THSD4: variants seen among roughly 807,000 people sequenced by gnomAD.
THSD4 encodes the protein thrombospondin type-1 domain-containing protein 4.
A neutral mutation model predicts 119.0 loss-of-function variants in THSD4; 69 were observed. The observed-to-expected ratio is 0.58, with a 90% CI of 0.48 to 0.71. The LOEUF (loss-of-function observed/expected upper bound fraction) is 0.71, where lower values mean the gene tolerates loss of function less well. Among genes scored for constraint, THSD4 ranks in the 30% least tolerant of loss-of-function variants. The pLI is 0.00. For missense variants in THSD4, 1,393 were observed against 1,391.1 expected, an observed-to-expected ratio of 1.00 and a Z score of -0.02; for synonymous variants, 524 against 540.4, an observed-to-expected ratio of 0.97 and a Z score of 0.42.
intron 8 of THSD4, among the ~76,000 whole-genome samples, chr15:71,692,563 G>A (rs2052077863): frequency 6.6e-6 from 1 of 152,132 alleles, no homozygotes. Context: ...GCTGGCCAGG[G>A]TGACCTCAGC....
At chr15:71,202,632 T>A (rs989559773) in intron 3 of THSD4, among the ~76,000 whole-genome samples, 1 of 152,170 alleles carries the variant, frequency 6.6e-6, no homozygotes, top group African/African-American at 2.4e-5. Context: ...AAATTACTTA[T>A]CATAAGAAAA....
At chr15:71,730,750 T>TCTAG (rs941303276) in intron 9 of THSD4, 4 of 185,382 alleles carry the variant, frequency 2.2e-5, no homozygotes, top group Non-Finnish European at 4.6e-5. Context: ...CACCTAGTGT[T>TCTAG]AAAACAGTTC....
chr15:71,467,554 A>T (rs1417151375), intron 7 of THSD4, among the ~76,000 whole-genome samples: 1 of 152,118 alleles, frequency 6.6e-6, no homozygotes, highest in Non-Finnish European at 1.5e-5. Flanking sequence ...AGAGATAAGG[A>T]TGCTTCTCTT....
chr15:71,685,107 T>C (rs8033100), intron 8 of THSD4, among the ~76,000 whole-genome samples: 30,282 of 151,940 alleles, frequency 0.2, 3,598 homozygotes, highest in African/African-American at 0.34. Context: ...TTTTCAAAAA[T>C]GTCTTGGAGA....
chr15:71,558,652 G>A (rs573941653), intron 7 of THSD4, among the ~76,000 whole-genome samples: 10 of 151,958 alleles, frequency 6.6e-5, no homozygotes, highest in Non-Finnish European at 1.2e-4. Context: ...AAAATTTTTT[G>A]TAGAGATGGG....
intron 8 of THSD4, among the ~76,000 whole-genome samples, chr15:71,683,054 G>A (rs532572105): frequency 1.3e-5 from 2 of 150,540 alleles, no homozygotes; most frequent in South Asian, 2.1e-4. Context: ...CCCAAGTAGC[G>A]GGAACTACAG....
upstream of THSD4, chr15:71,111,190 A>T: frequency 6.2e-7 from 1 of 1,612,930 alleles, no homozygotes; most frequent in Admixed American, 1.7e-5. Flanking sequence ...AAAGAGGATG[A>T]GAGCAAGTGT....
chr15:71,406,304 T>C (rs2046604689), intron 6 of THSD4, among the ~76,000 whole-genome samples: 1 of 152,232 alleles, frequency 6.6e-6, no homozygotes, highest in African/African-American at 2.4e-5. Context: ...AGATGTTTCA[T>C]GTGCACTTGA....
At chr15:71,315,491 A>G (rs1239722227) in intron 6 of THSD4, among the ~76,000 whole-genome samples, 2 of 152,234 alleles carry the variant, frequency 1.3e-5, no homozygotes, top group African/African-American at 4.8e-5. Context: ...TAGGGCACAC[A>G]GCGGGTGGTC....
At chr15:71,707,182 T>C (rs1241747313) in intron 8 of THSD4, among the ~76,000 whole-genome samples, 1 of 152,044 alleles carries the variant, frequency 6.6e-6, no homozygotes, top group Non-Finnish European at 1.5e-5. Flanking sequence ...GACTCCAACC[T>C]TGGGAGAAAC....
chr15:71,154,441 C>T (rs959063730), intron 2 of THSD4, among the ~76,000 whole-genome samples: 8 of 152,232 alleles, frequency 5.3e-5, no homozygotes, highest in African/African-American at 1.9e-4. Flanking sequence ...CCATGCTTTT[C>T]CCTGACCTTA....
Position 71,783,292 on chromosome 15 carries a change from C to G in THSD4, c.*5918C>G, listed in dbSNP as rs1019966091. ...TTGAAATATCTGCTTTGTTGACAAG[C>G]GTGTGCTTTCTCTGGCCTTATTCGC... On this transcript the variant is annotated 3_prime_UTR_variant, in exon 18 of 18. Transcript: ENST00000261862. The G allele has an allele frequency of 2.0e-5, 3 of 152,144 alleles. No homozygotes were observed. The East Asian group carries it at 5.8e-4, about 29-fold the overall frequency. The allele number at this position is 152,144 out of a possible 1,614,324, so 9.4% of individuals were successfully genotyped here. A position where few individuals can be genotyped will look rare whatever the true frequency, so the allele number is the denominator to read the frequency against.
At chr15:71,303,238 G>A (rs1406220873) in intron 6 of THSD4, among the ~76,000 whole-genome samples, 1 of 152,188 alleles carries the variant, frequency 6.6e-6, no homozygotes, top group East Asian at 1.9e-4. Flanking sequence ...AGCTCTGGGC[G>A]CCGCGCATTT....
chr15:71,734,870 A>C (rs1039565890), intron 10 of THSD4, among the ~76,000 whole-genome samples: 1 of 151,306 alleles, frequency 6.6e-6, no homozygotes, highest in Non-Finnish European at 1.5e-5. Flanking sequence ...TGCCCTTCCC[A>C]GAGGGAGTCT....
Position 71,281,367 on chromosome 15 carries a change from G to A in THSD4, c.1015+24652G>A, listed in dbSNP as rs557697099. ...AAAGTAGGGTTAACTTGTAGTGTGA[G>A]GCTATGCACAGGAAAACGCATATGG... On this transcript the variant is annotated intron_variant, in intron 6 of 17. Transcript: ENST00000261862. 1.2e-4 allele frequency among the ~76,000 whole-genome samples: 18 copies of A among 152,358 alleles called. 1 individual carries two copies. The South Asian group carries it at 3.7e-3, about 32-fold the overall frequency.
intron 7 of THSD4, among the ~76,000 whole-genome samples, chr15:71,572,807 G>C (rs765083601): frequency 1.3e-5 from 2 of 152,190 alleles, no homozygotes; most frequent in African/African-American, 4.8e-5. Flanking sequence ...TGACACACAG[G>C]AAGGAGGTTG....
At chr15:71,553,337 T>A (rs988694333) in intron 7 of THSD4, among the ~76,000 whole-genome samples, 4 of 152,036 alleles carry the variant, frequency 2.6e-5, no homozygotes, top group Non-Finnish European at 4.4e-5. Context: ...TTTTTTTTTT[T>A]TTTTTGAGAT....
At chr15:71,607,191 G>A (rs1235424580) in intron 7 of THSD4, among the ~76,000 whole-genome samples, 9 of 152,306 alleles carry the variant, frequency 5.9e-5, no homozygotes, top group South Asian at 2.1e-4. Flanking sequence ...GGAGGAACTC[G>A]TGTTTCACAG....
intron 6 of THSD4, among the ~76,000 whole-genome samples, chr15:71,299,676 A>C (rs531645161): frequency 6.6e-6 from 1 of 152,238 alleles, no homozygotes; most frequent in East Asian, 1.9e-4. Flanking sequence ...AAATTACTAA[A>C]AGAGTAGACT....
Sources: allele counts gnomAD v4.1 joint callset (sites outside exome capture counted in the v4.1 genomes callset), GRCh38; gene constraint gnomAD v4.1.1; transcripts MANE v1.5; gene names NCBI Gene and HGNC (gene_info 2026-07-23, HGNC 2026-07-21).